Variants in NCK2 observed in about 807,000 individuals in gnomAD.
NCK2 encodes cytoplasmic protein NCK2.
A neutral mutation model predicts 33.9 loss-of-function variants in NCK2; 16 were observed. The observed-to-expected ratio is 0.47, with a 90% CI of 0.32 to 0.72. The LOEUF is 0.72. Among genes scored for constraint, NCK2 ranks in the 30% least tolerant of loss-of-function variants. The pLI is 0.03. For synonymous variants in NCK2, 273 were observed against 239.9 expected (o/e 1.14, Z -1.27); for missense variants, 418 against 537.3 (o/e 0.78, Z 2.19).
Position 105,893,930 on chromosome 2 carries a change from C to G in NCK2, c.*754C>G, listed in dbSNP as rs1470315072. ...CTGTAGCCGTTTGTTGACACTAATA[C>G]AGATGATTAAGGAAAACAGCTGATC... On this transcript the variant is annotated 3_prime_UTR_variant, in exon 5 of 5. Transcript: ENST00000233154. 1 of 152,340 alleles carries G rather than the reference C, an allele frequency of 6.6e-6. No homozygotes were observed. The highest frequency in any genetic ancestry group is 1.9e-4 in the East Asian group (1 of 5,180). The allele number at this position is 152,340 out of a possible 1,614,324, so 9.4% of individuals were successfully genotyped here. A position where few individuals can be genotyped will look rare whatever the true frequency, so the allele number is the denominator to read the frequency against.
Position 105,782,867 on chromosome 2 carries a change from C to T in NCK2, c.-200-33563C>T, listed in dbSNP as rs7574253. ...ACTAGTACTCACTTACTGTCCCCAACGCTCCCAACTGGAGAGGCGTAGGGG... is the reference window on the plus strand; with the variant it reads ...ACTAGTACTCACTTACTGTCCCCAATGCTCCCAACTGGAGAGGCGTAGGGG... On this transcript the variant is annotated intron_variant, in intron 1 of 4. Coordinates refer to ENST00000233154, the MANE Select transcript of NCK2 (RefSeq NM_003581.5). Among the ~76,000 whole-genome samples, 1,321 of 152,312 alleles carry T rather than the reference C, an allele frequency of 8.7e-3. 28 individuals carry two copies. Among genetic ancestry groups the T allele is most frequent in the African/African-American group, 0.031 (1,274 of 41,564 alleles).
intron 2 of NCK2, among the ~76,000 whole-genome samples, chr2:105,836,347 A>C (rs916825750): frequency 1.6e-4 from 25 of 151,934 alleles, no homozygotes; most frequent in Non-Finnish European, 2.9e-5. Context: ...GGTGAGCGTA[A>C]AAGTGTAGTC....
chr2:105,810,816 A>G (rs1431948276), intron 1 of NCK2, among the ~76,000 whole-genome samples: 2 of 152,210 alleles, frequency 1.3e-5, no homozygotes, highest in East Asian at 3.8e-4. Flanking sequence ...ATTTGTCACT[A>G]ATCGAATTCC....
At chr2:105,828,344 T>A (rs764948111) in intron 2 of NCK2, among the ~76,000 whole-genome samples, 1 of 152,170 alleles carries the variant, frequency 6.6e-6, no homozygotes, top group Non-Finnish European at 1.5e-5. Context: ...ACCATATTTT[T>A]GTTGTTGTTG....
chr2:105,798,170 T>C (rs1691153454), intron 1 of NCK2, among the ~76,000 whole-genome samples: 1 of 152,224 alleles, frequency 6.6e-6, no homozygotes, highest in South Asian at 2.1e-4. Context: ...TCGCTTGTTG[T>C]AATGTTTGTT....
chr2:105,849,109 T>G (rs867845491), intron 2 of NCK2, among the ~76,000 whole-genome samples: 2 of 152,182 alleles, frequency 1.3e-5, no homozygotes, highest in African/African-American at 4.8e-5. Context: ...CAAGACCAGG[T>G]GTAATGGCTC....
chr2:105,789,404 T>C (rs1282160085), intron 1 of NCK2, among the ~76,000 whole-genome samples: 1 of 152,086 alleles, frequency 6.6e-6, no homozygotes, highest in African/African-American at 2.4e-5. Context: ...GCCAGGCTGG[T>C]CTCCCAACTC....
At position 105,893,053 on chromosome 2, in the gene NCK2, T is replaced by C. The variant is rs1188899774; in HGVS notation, c.1020T>C (p.Asn340=). ...NKHFKVQLVD[N]VYCIGQRRFH... ...ACTTCAAGGTGCAGCTCGTGGACAA[T>C]GTCTACTGCATTGGGCAGCGGCGCT... Residue 340 remains asparagine (N), a synonymous_variant, in exon 5 of 5, where the codon AAT becomes AAC. Transcript: ENST00000233154. 1 of 1,614,112 alleles carries C rather than the reference T, an allele frequency of 6.2e-7. No individual in the cohort carries two copies. The highest frequency in any genetic ancestry group is 8.5e-7 in the Non-Finnish European group (1 of 1,180,002).
intron 4 of NCK2, among the ~76,000 whole-genome samples, chr2:105,883,848 T>C (rs996477848): frequency 4.6e-5 from 7 of 152,236 alleles, no homozygotes; most frequent in African/African-American, 1.7e-4. Flanking sequence ...GTTTTTTGCA[T>C]TCTCTCCTAA....
chr2:105,763,764 C>T (rs1472096112), intron 1 of NCK2, among the ~76,000 whole-genome samples: 1 of 152,006 alleles, frequency 6.6e-6, no homozygotes, highest in Non-Finnish European at 1.5e-5. Flanking sequence ...GCAAAATGGT[C>T]CCTGGAGTTT....
chr2:105,815,293 T>A (rs182478880), intron 1 of NCK2, among the ~76,000 whole-genome samples: 17 of 152,372 alleles, frequency 1.1e-4, no homozygotes, highest in Non-Finnish European at 1.5e-5. Flanking sequence ...AAATCAAAAT[T>A]TATGAACTTG....
At chr2:105,816,007 G>A (rs888127220) in intron 1 of NCK2, among the ~76,000 whole-genome samples, 3 of 152,200 alleles carry the variant, frequency 2.0e-5, no homozygotes, top group South Asian at 2.1e-4. Flanking sequence ...TTCACCGGGT[G>A]TGTGGTTGGC....
intron 1 of NCK2, among the ~76,000 whole-genome samples, chr2:105,763,203 AAAAAC>A (rs1315371971): frequency 2.0e-5 from 3 of 152,126 alleles, no homozygotes; most frequent in East Asian, 3.9e-4. Context: ...TGTCTCCAAA[AAAAAC>A]AAAACAAAAG....
intron 1 of NCK2, among the ~76,000 whole-genome samples, chr2:105,798,070 A>G (rs1691150684): frequency 6.6e-6 from 1 of 152,226 alleles, no homozygotes; most frequent in African/African-American, 2.4e-5. Flanking sequence ...TAGACTCAAT[A>G]TTAAATCATC....
intron 1 of NCK2, among the ~76,000 whole-genome samples, chr2:105,770,995 T>A (rs775912785): frequency 6.6e-6 from 1 of 152,124 alleles, no homozygotes; most frequent in African/African-American, 2.4e-5. Context: ...CGATCTCAGC[T>A]CACTGCAAGC....
chr2:105,888,001 C>T (rs779398143), intron 4 of NCK2, among the ~76,000 whole-genome samples: 1 of 152,160 alleles, frequency 6.6e-6, no homozygotes, highest in Non-Finnish European at 1.5e-5. Context: ...TTTAAGTCTG[C>T]ACGTTTGTTG....
chr2:105,806,234 CTTTCTT>C (rs1260626788), intron 1 of NCK2, among the ~76,000 whole-genome samples: 3 of 57,910 alleles, frequency 5.2e-5, no homozygotes, highest in Non-Finnish European at 1.1e-4. Flanking sequence ...ATCACATTTT[CTTTCTT>C]TTTTTTTTTT....
At chr2:105,788,121 T>A (rs1394171547) in intron 1 of NCK2, among the ~76,000 whole-genome samples, 1 of 152,144 alleles carries the variant, frequency 6.6e-6, no homozygotes, top group Admixed American at 6.5e-5. Context: ...TTCACTTCCG[T>A]AAAGTGTAGG....
At chr2:105,880,707 G>T (rs879928978) in intron 3 of NCK2, among the ~76,000 whole-genome samples, 1 of 152,190 alleles carries the variant, frequency 6.6e-6, no homozygotes, top group South Asian at 2.1e-4. Flanking sequence ...GAGGCGCAGG[G>T]ATGCTCTAAA....
Sources: gnomAD v4.1 joint callset for allele counts (sites outside exome capture counted in the v4.1 genomes callset) on GRCh38, gnomAD v4.1.1 for gene constraint, MANE v1.5 for transcripts, NCBI Gene and HGNC (gene_info 2026-07-23, HGNC 2026-07-21) for gene names.